The following RAB1A variants were observed in gnomAD, a reference collection of about 807,000 sequenced individuals.
RAB1A encodes ras-related protein Rab-1A.
In RAB1A, 2 loss-of-function variants were observed where a neutral mutation model predicts 26.0. The ratio of observed to expected loss-of-function variants is 0.08; its 90% CI spans 0.03 to 0.24. RAB1A has a LOEUF of 0.24. RAB1A is among the 10% of genes least tolerant of loss of function. The probability of loss-of-function intolerance (pLI) is 1.00; values close to 1 mark genes in which losing one functional copy is unlikely to be tolerated. For synonymous variants in RAB1A, 84 were observed against 84.9 expected (o/e 0.99, Z 0.06); for missense variants, 100 against 247.0 (o/e 0.40, Z 3.99).
chr2:65,114,822 G>A (rs1265023233), intron 1 of RAB1A, among the ~76,000 whole-genome samples: 5 of 151,192 alleles, frequency 3.3e-5, no homozygotes, highest in South Asian at 2.1e-4. Context: ...TCCGCAGTCC[G>A]GCCTGGGCAA....
At chr2:65,095,198 T>C (rs1210176885) in intron 3 of RAB1A, among the ~76,000 whole-genome samples, 1 of 152,054 alleles carries the variant, frequency 6.6e-6, no homozygotes, top group Non-Finnish European at 1.5e-5. Context: ...GTTTTTTTTG[T>C]TTTTTTCTGT....
At chr2:65,121,985 C>T (rs1669972855) in intron 1 of RAB1A, among the ~76,000 whole-genome samples, 1 of 151,752 alleles carries the variant, frequency 6.6e-6, no homozygotes, top group African/African-American at 2.4e-5. Flanking sequence ...ATGGTGAAAC[C>T]CCATCTCTAC....
intron 3 of RAB1A, among the ~76,000 whole-genome samples, chr2:65,095,519 T>TTC (rs1669263335): frequency 6.7e-6 from 1 of 148,232 alleles, no homozygotes; most frequent in Admixed American, 6.7e-5. Flanking sequence ...CTGGTTACTT[T>TTC]TTTTTTTTTT....
intron 1 of RAB1A, among the ~76,000 whole-genome samples, chr2:65,111,945 T>C (rs979943596): frequency 6.6e-6 from 1 of 151,830 alleles, no homozygotes. Flanking sequence ...TAGCCGGGCG[T>C]GGTGGCACGC....
rs139162539 is a variant in RAB1A at position 65,129,236 on chromosome 2, T to A, written c.23+657A>T. Among the ~76,000 whole-genome samples, 396 of 147,962 alleles carry A rather than the reference T, an allele frequency of 2.7e-3. 17 individuals carry two copies. In the East Asian group the frequency reaches 0.07, roughly 26 times the overall value. ...AACAAAATTCTCACAAATGCCCAGG[T>A]TTTTATAGGAGGGCAATGGACCCGG... On this transcript the variant is annotated intron_variant, in intron 1 of 5. Coordinates refer to ENST00000409784, the MANE Select transcript of RAB1A (RefSeq NM_004161.5).
rs886880838 is a variant in RAB1A at position 65,088,394 on chromosome 2, T to A, written c.*99A>T. The A allele has an allele frequency of 1.0e-6, 1 of 961,684 alleles. No individual in the cohort carries two copies. Among genetic ancestry groups the A allele is most frequent in the African/African-American group, 1.7e-5 (1 of 60,412 alleles). The allele number at this position is 961,684 out of a possible 1,614,324, so 59.6% of individuals were successfully genotyped here. A position where few individuals can be genotyped will look rare whatever the true frequency, so the allele number is the denominator to read the frequency against. ...CTTTGTGGAGACGGTAAGAATCTGT[T>A]GTAGTGCAGCTACATACAGTACAAT... On this transcript the variant is annotated 3_prime_UTR_variant, in exon 6 of 6. Transcript: ENST00000409784.
chr2:65,111,519 A>G (rs1156710638), intron 1 of RAB1A, among the ~76,000 whole-genome samples: 2 of 152,224 alleles, frequency 1.3e-5, no homozygotes, highest in Admixed American at 6.5e-5. Context: ...AACATGGCCT[A>G]CAACTAAATA....
At chr2:65,107,961 G>A (rs866978092) in intron 1 of RAB1A, among the ~76,000 whole-genome samples, 6 of 151,862 alleles carry the variant, frequency 4.0e-5, no homozygotes, top group African/African-American at 1.5e-4. Flanking sequence ...CTACTTGAGA[G>A]GCTGACCCAT....
intron 1 of RAB1A, among the ~76,000 whole-genome samples, chr2:65,106,556 T>A (rs912490720): frequency 6.6e-6 from 1 of 150,742 alleles, no homozygotes; most frequent in African/African-American, 2.4e-5. Flanking sequence ...TTATACTTAT[T>A]GTTATACTTA....
In RAB1A at chr2:65,086,870, A is replaced by G. The variant is rs571987447; in HGVS notation, c.*1623T>C. On this transcript the variant is annotated 3_prime_UTR_variant, in exon 6 of 6. Coordinates refer to ENST00000409784, the MANE Select transcript of RAB1A (RefSeq NM_004161.5). ...CGCCTATAATACAAAGTAAACTATGATTTTTATTGTGAAATTTTCATAGAT... is the reference window on the plus strand; with the variant it reads ...CGCCTATAATACAAAGTAAACTATGGTTTTTATTGTGAAATTTTCATAGAT... 27 of 152,736 alleles carry G rather than the reference A, an allele frequency of 1.8e-4. No homozygotes were observed. Among genetic ancestry groups the G allele is most frequent in the African/African-American group, 6.3e-4 (26 of 41,574 alleles). 9.5% of individuals were successfully genotyped at this position (152,736 alleles called of 1,614,324 possible). A position where few individuals can be genotyped will look rare whatever the true frequency, so the allele number is the denominator to read the frequency against.
At chr2:65,113,009 G>A (rs1425006788) in intron 1 of RAB1A, among the ~76,000 whole-genome samples, 1 of 152,148 alleles carries the variant, frequency 6.6e-6, no homozygotes, top group Admixed American at 6.6e-5. Context: ...AAGAGTTCCA[G>A]ACCAGCCTGG....
At chr2:65,098,838 T>TTTTTTC (rs1669351551) in intron 2 of RAB1A, among the ~76,000 whole-genome samples, 1 of 142,038 alleles carries the variant, frequency 7.0e-6, no homozygotes, top group Non-Finnish European at 1.5e-5. Context: ...CAGTACTTCT[T>TTTTTTC]TTTTTTTTTT....
intron 2 of RAB1A, 48 bp from the exon 3 acceptor site, chr2:65,098,114 G>T: frequency 9.1e-7 from 1 of 1,096,372 alleles, no homozygotes; most frequent in Non-Finnish European, 1.3e-6. Context: ...CAGTGGAGCA[G>T]ATGCAAGTCT....
At chr2:65,095,145 T>C (rs186821339) in intron 3 of RAB1A, among the ~76,000 whole-genome samples, 43 of 152,194 alleles carry the variant, frequency 2.8e-4, no homozygotes, top group Non-Finnish European at 4.7e-4. Context: ...GAAGAATCAC[T>C]AGGAATAAAT....
intron 3 of RAB1A, among the ~76,000 whole-genome samples, chr2:65,093,983 T>TA (rs1669228601): frequency 6.6e-6 from 1 of 151,406 alleles, no homozygotes; most frequent in South Asian, 2.1e-4. Context: ...TTCTTTTTTT[T>TA]TTTTGAAACA....
At chr2:65,128,341 T>C (rs943734882) in intron 1 of RAB1A, among the ~76,000 whole-genome samples, 3 of 152,178 alleles carry the variant, frequency 2.0e-5, no homozygotes, top group African/African-American at 4.8e-5. Context: ...TAGAGGTCTA[T>C]AAACCTCGAT....
In RAB1A at chr2:65,097,958, C is replaced by G. The variant is rs541532327; in HGVS notation, c.192+13G>C. ...AAATAAATTTCAAAAAAATTACTAGCCAAGTCACTTACTATTTGAAGCTTG... is the reference window on the plus strand; with the variant it reads ...AAATAAATTTCAAAAAAATTACTAGGCAAGTCACTTACTATTTGAAGCTTG... On this transcript the variant is annotated intron_variant, in intron 3 of 5. Transcript: ENST00000409784. 34 of 1,450,566 alleles carry G rather than the reference C, an allele frequency of 2.3e-5. No homozygotes were observed. In the East Asian group the frequency reaches 8.1e-4, roughly 35 times the overall value. The allele number at this position is 1,450,566 out of a possible 1,614,324, so 89.9% of individuals were successfully genotyped here. A position where few individuals can be genotyped will look rare whatever the true frequency, so the allele number is the denominator to read the frequency against.
chr2:65,117,969 C>T (rs879449628), intron 1 of RAB1A, among the ~76,000 whole-genome samples: 2 of 152,222 alleles, frequency 1.3e-5, no homozygotes, highest in Non-Finnish European at 2.9e-5. Flanking sequence ...AATTCCAATT[C>T]AGTTGCTTAC....
At chr2:65,123,656 T>C (rs1670024907) in intron 1 of RAB1A, among the ~76,000 whole-genome samples, 1 of 151,804 alleles carries the variant, frequency 6.6e-6, no homozygotes, top group Non-Finnish European at 1.5e-5. Context: ...TGAAACCCTG[T>C]CTCTACTAAA....
Sources: allele counts gnomAD v4.1 joint callset (sites outside exome capture counted in the v4.1 genomes callset), GRCh38; gene constraint gnomAD v4.1.1; transcripts MANE v1.5; gene names NCBI Gene and HGNC (gene_info 2026-07-23, HGNC 2026-07-21).